ABCC4: variants seen among roughly 807,000 people sequenced by gnomAD.
ABCC4 encodes ATP binding cassette subfamily C member 4 (PEL blood group).
Under a neutral mutation model 168.5 loss-of-function variants are expected in ABCC4, and 102 were observed. That is an observed-to-expected ratio of 0.61 (90% confidence interval 0.52 to 0.71). The LOEUF is 0.71. Ranked by LOEUF, ABCC4 falls within the 30% of genes least tolerant of loss-of-function variation. The pLI is 0.00. For missense variants in ABCC4, 1,402 were observed against 1,605.8 expected, an observed-to-expected ratio of 0.87 and a Z score of 2.17; for synonymous variants, 617 against 590.7, an observed-to-expected ratio of 1.04 and a Z score of -0.65.
At chr13:95,132,319 G>A (rs2035995168) in intron 19 of ABCC4, among the ~76,000 whole-genome samples, 4 of 152,062 alleles carry the variant, frequency 2.6e-5, no homozygotes, top group African/African-American at 7.2e-5. Context: ...GGGTTCAAGT[G>A]ATTCTCCTGC....
chr13:95,244,596 TGAAA>T (rs58076935), intron 3 of ABCC4, among the ~76,000 whole-genome samples: 1,028 of 34,994 alleles, frequency 0.029, 37 homozygotes, highest in East Asian at 0.078. Flanking sequence ...TAAAATAACA[TGAAA>T]GAAAGAAAGA....
chr13:95,228,023 A>C (rs534044922), intron 4 of ABCC4, among the ~76,000 whole-genome samples: 126 of 152,184 alleles, frequency 8.3e-4, no homozygotes, highest in Non-Finnish European at 1.5e-3. Context: ...AATATCTGTA[A>C]TTTCATACTA....
intron 21 of ABCC4, among the ~76,000 whole-genome samples, chr13:95,078,811 C>G (rs377656069): frequency 6.6e-6 from 1 of 152,128 alleles, no homozygotes; most frequent in Non-Finnish European, 1.5e-5. Flanking sequence ...ATAGAGAATG[C>G]CACTGAGAAG....
intron 13 of ABCC4, among the ~76,000 whole-genome samples, chr13:95,175,338 G>C (rs976521768): frequency 6.6e-6 from 1 of 151,936 alleles, no homozygotes; most frequent in African/African-American, 2.4e-5. Context: ...TTTTGAGACA[G>C]AATCTCACTC....
intron 19 of ABCC4, 28 bp downstream of exon 19, chr13:95,161,161 T>C (rs748583735): frequency 2.0e-5 from 32 of 1,561,434 alleles, no homozygotes; most frequent in East Asian, 2.3e-5. Flanking sequence ...CAAGACATAC[T>C]TACTGAGAAA....
At chr13:95,045,079 T>C (rs2032520370) in intron 27 of ABCC4, among the ~76,000 whole-genome samples, 1 of 152,204 alleles carries the variant, frequency 6.6e-6, no homozygotes, top group Admixed American at 6.5e-5. Flanking sequence ...GCACCTGAAC[T>C]CCCTTACCAA....
chr13:95,096,311 C>T, intron 20 of ABCC4: 1 of 428,730 alleles, frequency 2.3e-6, no homozygotes, highest in East Asian at 3.5e-5. Context: ...GACTGAAAGA[C>T]TGGAATGCAA....
chr13:95,267,500 T>C (rs962103167), intron 1 of ABCC4, among the ~76,000 whole-genome samples: 2 of 152,130 alleles, frequency 1.3e-5, no homozygotes, highest in African/African-American at 4.8e-5. Context: ...GAAAATGGAC[T>C]AATACACCAG....
At chr13:95,213,472 A>T (rs955572292) in intron 4 of ABCC4, among the ~76,000 whole-genome samples, 9 of 152,328 alleles carry the variant, frequency 5.9e-5, no homozygotes, top group Middle Eastern at 3.4e-3. Context: ...AAGTTTCAGT[A>T]GGGATTTACC....
In ABCC4 at chr13:95,089,315, C is replaced by T. The variant is rs375721341; in HGVS notation, c.2536-6025G>A. On this transcript the variant is annotated intron_variant, in intron 20 of 30. Coordinates refer to ENST00000645237, the MANE Select transcript of ABCC4 (RefSeq NM_005845.5). ...AAACCAAAGAAAGGAAAATTATAAA[C>T]CAAACTGTGTTAAGAACACTAAGTC... Among the ~76,000 whole-genome samples the T allele has an allele frequency of 7.9e-5, 12 of 152,246 alleles. No individual in the cohort carries two copies. The East Asian group carries it at 1.5e-3, about 20-fold the overall frequency.
At chr13:95,023,206 T>C (rs896512617) in intron 30 of ABCC4, among the ~76,000 whole-genome samples, 5 of 152,214 alleles carry the variant, frequency 3.3e-5, no homozygotes, top group African/African-American at 9.6e-5. Context: ...TGTAACCCTC[T>C]TGATGTATTT....
intron 21 of ABCC4, among the ~76,000 whole-genome samples, chr13:95,080,334 G>A (rs2034048806): frequency 6.6e-6 from 1 of 152,182 alleles, no homozygotes; most frequent in Non-Finnish European, 1.5e-5. Flanking sequence ...ATGACTGACT[G>A]TTGATGTGGT....
rs148576068 is a variant in ABCC4, at chr13:95,170,406, T to C, written c.1824+126A>G. The C allele has an allele frequency of 3.7e-3, 2,102 of 572,096 alleles. 36 individuals are homozygous for C. Among genetic ancestry groups the C allele is most frequent in the African/African-American group, 0.034 (1,806 of 53,468 alleles). The allele number at this position is 572,096 out of a possible 1,614,324, so 35.4% of individuals were successfully genotyped here. A position where few individuals can be genotyped will look rare whatever the true frequency, so the allele number is the denominator to read the frequency against. On this transcript the variant is annotated intron_variant, in intron 14 of 30. Transcript: ENST00000645237. Reference sequence around the variant, plus strand: ...TAATAATGACATTTCTACAAGTCTTTTGAGTTAATACTTAAAAACATGAAT... The same window carrying C: ...TAATAATGACATTTCTACAAGTCTTCTGAGTTAATACTTAAAAACATGAAT...
At chr13:95,062,976 G>T in intron 25 of ABCC4, 117 bp from the exon 26 acceptor site, 1 of 1,209,504 alleles carries the variant, frequency 8.3e-7, no homozygotes, top group Non-Finnish European at 1.1e-6. Context: ...TCTATATTGA[G>T]TGTAGTCTAA....
intron 3 of ABCC4, among the ~76,000 whole-genome samples, chr13:95,246,102 C>T (rs905912660): frequency 8.5e-5 from 13 of 152,148 alleles, no homozygotes; most frequent in Non-Finnish European, 1.9e-4. Flanking sequence ...TGTGCCTAGG[C>T]AGAACACTGT....
At chr13:95,117,564 C>T (rs909753681) in intron 19 of ABCC4, among the ~76,000 whole-genome samples, 7 of 151,994 alleles carry the variant, frequency 4.6e-5, no homozygotes, top group Admixed American at 2.6e-4. Context: ...AGTATTTTTC[C>T]GACAGATACT....
intron 1 of ABCC4, among the ~76,000 whole-genome samples, 165 bp from the exon 2 acceptor site, chr13:95,247,918 G>GCACACACACA (rs34133084): frequency 0.18 from 25,973 of 142,550 alleles, 2,881 homozygotes; most frequent in Admixed American, 0.24. Context: ...GTTAACATGT[G>GCACACACACA]CACACACACA....
intron 1 of ABCC4, among the ~76,000 whole-genome samples, chr13:95,300,302 T>C (rs2041641981): frequency 6.6e-6 from 1 of 151,988 alleles, no homozygotes; most frequent in African/African-American, 2.4e-5. Flanking sequence ...ATGGATCACC[T>C]CTCTGAAGGT....
chr13:95,194,665 T>C (rs946318073), intron 9 of ABCC4, among the ~76,000 whole-genome samples, 171 bp downstream of exon 9: 18 of 152,238 alleles, frequency 1.2e-4, no homozygotes, highest in African/African-American at 4.3e-4. Context: ...ATTTCATACC[T>C]ACTTTCTATT....
Sources: allele counts gnomAD v4.1 joint callset (sites outside exome capture counted in the v4.1 genomes callset), GRCh38; gene constraint gnomAD v4.1.1; transcripts MANE v1.5; gene names NCBI Gene and HGNC (gene_info 2026-07-23, HGNC 2026-07-21).